USP42: variants seen among roughly 807,000 people sequenced by gnomAD.
USP42 encodes the protein ubiquitin specific peptidase 42, also known as ubiquitin carboxyl-terminal hydrolase 42.
Under a neutral mutation model 113.0 loss-of-function variants are expected in USP42, and 23 were observed. The observed-to-expected ratio is 0.20, with a 90% CI of 0.15 to 0.29. The LOEUF (loss-of-function observed/expected upper bound fraction) is 0.29, where lower values mean the gene tolerates loss of function less well. USP42 is among the 10% of genes least tolerant of loss of function. USP42 has a pLI of 1.00. For missense variants in USP42, 2,174 were observed against 1,779.8 expected (o/e 1.22, Z -3.99); for synonymous variants, 933 against 699.0 (o/e 1.33, Z -5.28).
Position 6,135,908 on chromosome 7 carries a change from TG to T in USP42, c.514del (p.Asp172ThrfsTer15). On this transcript the variant is annotated frameshift_variant, in exon 4 of 18. Transcript: ENST00000306177. LOFTEE classifies it high-confidence loss of function. Reference sequence around the variant, plus strand: ...ATATTACCCAGGCACTCAGTAATCCTGGGGACGTTATTAAACCAATGTTTGT... The same window carrying T: ...ATATTACCCAGGCACTCAGTAATCCTGGGACGTTATTAAACCAATGTTTGT... ...AHITQALSNP[G>X]DVIKPMFVIN... is the part of the protein sequence containing the mutation. 1 of 1,610,608 alleles carries T rather than the reference TG, an allele frequency of 6.2e-7. No homozygotes were observed. The highest frequency in any genetic ancestry group is 8.5e-7 in the Non-Finnish European group (1 of 1,178,478).
At chr7:6,136,549 A>G (rs375114842) in intron 4 of USP42, among the ~76,000 whole-genome samples, 31 of 152,336 alleles carry the variant, frequency 2.0e-4, no homozygotes, top group African/African-American at 7.0e-4. Flanking sequence ...GGTAAGTTTT[A>G]TAGTGTCTTT....
rs1782217832 is a variant in USP42 at position 6,153,850 on chromosome 7, G to C, written c.2296G>C (p.Ala766Pro). 1 of 1,547,970 alleles carries C rather than the reference G, an allele frequency of 6.5e-7. No individual in the cohort carries two copies. The highest frequency in any genetic ancestry group is 8.7e-7 in the Non-Finnish European group (1 of 1,146,866). ...CGAATCCCTGGAGGAGCCAGATGCG[G>C]CCGCCGGCCTCAGCAGCACCAAGAA... ...AAESLEEPDA[A>P]AGLSSTKKAP... The change falls in exon 15 of 18, where the codon GCC becomes CCC. Residue 766 changes from alanine (A) to proline (P), a missense_variant. By Grantham distance (27) the Ala-to-Pro change is conservative. Coordinates refer to ENST00000306177, the MANE Select transcript of USP42 (RefSeq NM_032172.3).
chr7:6,157,958 G>C lies in USP42; in HGVS notation c.3943+903G>C, dbSNP rs1288096358. Among the ~76,000 whole-genome samples the C allele has an allele frequency of 6.6e-6, 1 of 152,220 alleles. No individual in the cohort carries two copies. Among genetic ancestry groups the C allele is most frequent in the Non-Finnish European group, 1.5e-5 (1 of 68,042 alleles). On this transcript the variant is annotated intron_variant, in intron 16 of 17. Transcript: ENST00000306177. This position sits in a 1 kb window ranked among gnomAD's most constrained non-coding sequence, Gnocchi z 4.1. ...GTGTCCGGTGACCGCTCACCCTCGA[G>C]AGGAGCTGTGAGCCTGTTAGAAGCG...
In USP42 at chr7:6,158,772, G is replaced by A. The variant is rs1057046511; in HGVS notation, c.3944-678G>A. Among the ~76,000 whole-genome samples, 95 of 152,212 alleles carry A rather than the reference G, an allele frequency of 6.2e-4. No homozygotes were observed. The highest frequency in any genetic ancestry group is 2.0e-3 in the African/African-American group (83 of 41,454). Reference sequence around the variant, plus strand: ...AGGGCTGCTTGGTACCCGAGGATCCGAGGATGCAGTGGATGGGCTCATTCT... The same window carrying A: ...AGGGCTGCTTGGTACCCGAGGATCCAAGGATGCAGTGGATGGGCTCATTCT... On this transcript the variant is annotated intron_variant, in intron 16 of 17. Transcript: ENST00000306177. The surrounding 1 kb of genome is among the most constrained non-coding windows in gnomAD (Gnocchi z 4.2).
rs1191882526 is a variant in USP42 at position 6,115,569 on chromosome 7, A to G, written c.442+46A>G. ...TTGTAGTATTGTAGTGCGCTAACCT[A>G]CTTTCATTTTTTCCTCTGAAATGAA... is the stretch of plus-strand genomic sequence containing the variant. On this transcript the variant is annotated intron_variant, in intron 3 of 17. Coordinates refer to ENST00000306177, the MANE Select transcript of USP42 (RefSeq NM_032172.3). 4 of 1,587,426 alleles carry G rather than the reference A, an allele frequency of 2.5e-6. No homozygotes were observed. The Admixed American group carries it at 5.2e-5, about 21-fold the overall frequency.
Position 6,159,914 on chromosome 7 carries a change from T to C in USP42, c.*36+421T>C, listed in dbSNP as rs1430045818. Among the ~76,000 whole-genome samples the C allele has an allele frequency of 6.6e-6, 1 of 152,228 alleles. No homozygotes were observed. The highest frequency in any genetic ancestry group is 1.5e-5 in the Non-Finnish European group (1 of 68,032). On this transcript the variant is annotated intron_variant, in intron 17 of 17. Coordinates refer to ENST00000306177, the MANE Select transcript of USP42 (RefSeq NM_032172.3). This position sits in a 1 kb window ranked among gnomAD's most constrained non-coding sequence, Gnocchi z 4.1. The stretch of plus-strand genomic sequence containing the variant: ...TCGTCCGTCCCGTCCCCTGTGCTGC[T>C]GTCTGCGCCCCGAGGTGGCACTGAG...
intron 7 of USP42, among the ~76,000 whole-genome samples, chr7:6,141,196 C>CTTTTTTTTTTT (rs199589142): frequency 1.5e-5 from 2 of 131,872 alleles, no homozygotes; most frequent in African/African-American, 2.8e-5. Flanking sequence ...TTTTCTTTTT[C>CTTTTTTTTTTT]TTTTCTTTTT....
At chr7:6,083,661 T>C in the USP42 span, among the ~76,000 whole-genome samples, 1 of 150,758 alleles carries the variant, frequency 6.6e-6, no homozygotes, top group African/African-American at 2.5e-5. Context: ...ATATAGTATA[T>C]TGAGATATGT....
intron 2 of USP42, chr7:6,111,761 C>G: frequency 1.3e-5 from 2 of 154,048 alleles, no homozygotes; most frequent in Non-Finnish European, 1.3e-5. Flanking sequence ...TGCCACCAAG[C>G]CCGGCTAATT....
rs117177787 is a variant in USP42 at position 6,159,509 on chromosome 7, G to A, written c.*36+16G>A. ...ACTAGTTATGGTAAGCTGTTTTCCT[G>A]TCTGTTTCCTCATTGTTTGTGGTGG... On this transcript the variant is annotated intron_variant, in intron 17 of 17. Transcript: ENST00000306177. This position sits in a 1 kb window ranked among gnomAD's most constrained non-coding sequence, Gnocchi z 4.1. 4,409 of 1,611,288 alleles carry A rather than the reference G, an allele frequency of 2.7e-3. 6 individuals are homozygous for A. The highest frequency in any genetic ancestry group is 3.5e-3 in the Non-Finnish European group (4,136 of 1,177,610).
chr7:6,113,245 G>C (rs1779698966), intron 2 of USP42, among the ~76,000 whole-genome samples: 1 of 152,096 alleles, frequency 6.6e-6, no homozygotes, highest in Non-Finnish European at 1.5e-5. Flanking sequence ...AGTTTGGCTT[G>C]CTGAAGGTGT....
rs775318812 is a variant in USP42 at position 6,153,875 on chromosome 7, A to G, written c.2321A>G (p.Lys774Arg). Residue 774 changes from lysine (K) to arginine (R), a missense_variant, in exon 15 of 18, where the codon AAG (lysine) becomes AGG (arginine). Transcript: ENST00000306177. Reference protein sequence around the residue: ...DAAAGLSSTKKAPPPRDPGTP... With the variant: ...DAAAGLSSTKRAPPPRDPGTP... The stretch of plus-strand genomic sequence containing the variant: ...GCCGCCGGCCTCAGCAGCACCAAGA[A>G]GGCTCCGCCGCCCCGCGATCCCGGC... The G allele has an allele frequency of 6.4e-6, 10 of 1,561,960 alleles. No homozygotes were observed. The highest frequency in any genetic ancestry group is 1.2e-5 in the South Asian group (1 of 85,600).
chr7:6,120,261 G>T (rs540807296), intron 3 of USP42, among the ~76,000 whole-genome samples: 2 of 152,190 alleles, frequency 1.3e-5, no homozygotes, highest in African/African-American at 4.8e-5. Flanking sequence ...ACTGCGCCCG[G>T]CCCTTTTTAT....
the USP42 span, among the ~76,000 whole-genome samples, chr7:6,082,603 G>GTTTTTTTTT: frequency 6.7e-5 from 6 of 90,194 alleles, no homozygotes; most frequent in Admixed American, 1.4e-4. Context: ...CTTTCTTTCT[G>GTTTTTTTTT]TTTTTTTTTT....
upstream of USP42, among the ~76,000 whole-genome samples, chr7:6,102,702 G>T (rs1305795577): frequency 6.6e-6 from 1 of 150,912 alleles, no homozygotes; most frequent in South Asian, 2.1e-4. Context: ...ATGTAGTAGT[G>T]GGGTAGGGCT....
intron 12 of USP42, among the ~76,000 whole-genome samples, chr7:6,149,053 G>A (rs1781880806): frequency 6.6e-6 from 1 of 152,228 alleles, no homozygotes. Flanking sequence ...CTCCACGGGG[G>A]TGCAGCAGCC....
At chr7:6,092,010 TCTTC>T in the USP42 span, among the ~76,000 whole-genome samples, 1 of 95,754 alleles carries the variant, frequency 1.0e-5, no homozygotes, top group East Asian at 2.2e-4. Flanking sequence ...TTCTTCTTCT[TCTTC>T]TTCTTCTTCT....
At chr7:6,147,955 C>CAAGTTGAA in intron 12 of USP42, 63 bp downstream of exon 12, 1 of 1,496,526 alleles carries the variant, frequency 6.7e-7, no homozygotes, top group Non-Finnish European at 9.1e-7. Flanking sequence ...TTCAAACTCT[C>CAAGTTGAA]AAGTTGAATT....
In USP42 at chr7:6,146,155, A is replaced by G. The variant is rs750349066; in HGVS notation, c.1139A>G (p.Asn380Ser). 13 of 1,589,612 alleles carry G rather than the reference A, an allele frequency of 8.2e-6. No individual in the cohort carries two copies. Among genetic ancestry groups the G allele is most frequent in the Non-Finnish European group, 1.0e-5 (12 of 1,167,330 alleles). The change falls in exon 11 of 18, where the codon AAT (asparagine) becomes AGT (serine). Residue 380 changes from asparagine to serine, a missense_variant. Coordinates refer to ENST00000306177, the MANE Select transcript of USP42 (RefSeq NM_032172.3). ...ATTGGCTCTCATTTATAGGCTAGCA[A>G]TGGCCTCTGGTATCAAATGAATGAC... is the stretch of plus-strand genomic sequence containing the variant. Reference protein sequence around the residue: ...GHYFCYIKASNGLWYQMNDSI... With the variant: ...GHYFCYIKASSGLWYQMNDSI...
Sources: allele counts gnomAD v4.1 joint callset (sites outside exome capture counted in the v4.1 genomes callset), GRCh38; gene constraint gnomAD v4.1.1; non-coding constraint Gnocchi (gnomAD v3.1); transcripts MANE v1.5; gene names NCBI Gene and HGNC (gene_info 2026-07-23, HGNC 2026-07-21).